The following GRM7 variants were observed in gnomAD, a reference collection of about 807,000 sequenced individuals.
GRM7 encodes the protein glutamate metabotropic receptor 7.
Under a neutral mutation model 84.5 loss-of-function variants are expected in GRM7, and 35 were observed. That is an observed-to-expected ratio of 0.41 (90% CI 0.32 to 0.55). The LOEUF is 0.55. GRM7 is among the 20% of genes least tolerant of loss of function. The probability of loss-of-function intolerance (pLI) is 0.19; values close to 1 mark genes in which losing one functional copy is unlikely to be tolerated. For synonymous variants in GRM7, 487 were observed against 455.1 expected (o/e 1.07, Z -0.89); for missense variants, 1,003 against 1,194.6 (o/e 0.84, Z 2.36).
At chr3:7,668,278 T>C (rs2125129988) in intron 8 of GRM7, among the ~76,000 whole-genome samples, 1 of 152,334 alleles carries the variant, frequency 6.6e-6, no homozygotes, top group Middle Eastern at 3.4e-3. Context: ...ATGCCAGGCA[T>C]GGAGCCAAAG....
intron 1 of GRM7, among the ~76,000 whole-genome samples, chr3:7,102,508 G>A (rs1699146969): frequency 6.6e-6 from 1 of 151,634 alleles, no homozygotes; most frequent in African/African-American, 2.4e-5. Flanking sequence ...TCATACCTAT[G>A]GTATGATGTG....
At chr3:7,000,867 T>C (rs184011524) in intron 1 of GRM7, among the ~76,000 whole-genome samples, 2 of 152,272 alleles carry the variant, frequency 1.3e-5, no homozygotes, top group East Asian at 1.9e-4. Flanking sequence ...AGTCAGAGGA[T>C]AGAGCCAGAC....
At chr3:7,380,385 T>C (rs953798409) in intron 4 of GRM7, among the ~76,000 whole-genome samples, 17 of 152,232 alleles carry the variant, frequency 1.1e-4, no homozygotes, top group African/African-American at 4.1e-4. Context: ...TGCTTTCTGT[T>C]CATAAGATAT....
At chr3:7,416,041 A>C (rs953841829) in intron 5 of GRM7, among the ~76,000 whole-genome samples, 9 of 152,152 alleles carry the variant, frequency 5.9e-5, no homozygotes, top group Admixed American at 1.3e-4. Context: ...GAAGGAAAAT[A>C]GGTTGGAGAA....
intron 1 of GRM7, among the ~76,000 whole-genome samples, chr3:7,037,306 A>T (rs2124935641): frequency 6.6e-6 from 1 of 152,300 alleles, no homozygotes; most frequent in South Asian, 2.1e-4. Context: ...TACTTTTAAT[A>T]CACTTAATAC....
At chr3:7,570,006 G>A (rs1694560444) in intron 7 of GRM7, among the ~76,000 whole-genome samples, 1 of 152,160 alleles carries the variant, frequency 6.6e-6, no homozygotes, top group Non-Finnish European at 1.5e-5. Context: ...TTGTGCAGGG[G>A]AAGTTCCATT....
intron 2 of GRM7, among the ~76,000 whole-genome samples, chr3:7,297,832 T>C (rs1699864473): frequency 6.6e-6 from 1 of 152,208 alleles, no homozygotes; most frequent in Non-Finnish European, 1.5e-5. Flanking sequence ...TTTTCATCGA[T>C]GCTGGCTTTT....
At chr3:7,623,181 C>T (rs1697439869) in intron 8 of GRM7, among the ~76,000 whole-genome samples, 2 of 152,028 alleles carry the variant, frequency 1.3e-5, no homozygotes, top group Non-Finnish European at 2.9e-5. Context: ...GGATGATGTG[C>T]ATCCATGGAA....
intron 4 of GRM7, among the ~76,000 whole-genome samples, chr3:7,316,794 A>G (rs902852541): frequency 1.3e-5 from 2 of 152,178 alleles, no homozygotes; most frequent in Non-Finnish European, 2.9e-5. Flanking sequence ...AACCGGATAC[A>G]TAAGCCTGGA....
chr3:7,216,917 T>C lies in GRM7; in HGVS notation c.736+70249T>C, dbSNP rs80218765. On this transcript the variant is annotated intron_variant, in intron 2 of 9. Transcript: ENST00000357716. ...TGTAAATGCAGACATCCATCTTTAA[T>C]GTGATGGTATTCAGGCATTCCTGTA... 1.2e-3 allele frequency among the ~76,000 whole-genome samples: 183 copies of C among 152,326 alleles called. 1 individual carries two copies. Among genetic ancestry groups the C allele is most frequent in the African/African-American group, 4.3e-3 (178 of 41,578 alleles).
intron 1 of GRM7, among the ~76,000 whole-genome samples, chr3:6,942,011 T>C (rs1005958656): frequency 3.3e-5 from 5 of 152,216 alleles, no homozygotes; most frequent in African/African-American, 9.6e-5. Flanking sequence ...TTGTTCAACA[T>C]GCAAAACTTT....
intron 7 of GRM7, among the ~76,000 whole-genome samples, chr3:7,563,219 T>C (rs1694104681): frequency 1.3e-5 from 2 of 152,140 alleles, no homozygotes; most frequent in Admixed American, 6.6e-5. Flanking sequence ...TTGTTCTTTT[T>C]TGTACAGTTT....
intron 7 of GRM7, among the ~76,000 whole-genome samples, chr3:7,556,641 A>G (rs963670853): frequency 2.6e-5 from 4 of 152,186 alleles, no homozygotes; most frequent in Non-Finnish European, 5.9e-5. Context: ...CCCTGCCCTC[A>G]CTGAACGTGG....
At chr3:7,504,123 T>A (rs942800595) in intron 7 of GRM7, among the ~76,000 whole-genome samples, 1 of 152,222 alleles carries the variant, frequency 6.6e-6, no homozygotes, top group African/African-American at 2.4e-5. Context: ...TAAAAAATTT[T>A]GTGGTATAAT....
intron 7 of GRM7, among the ~76,000 whole-genome samples, chr3:7,573,199 C>G (rs1694794260): frequency 6.6e-6 from 1 of 151,098 alleles, no homozygotes; most frequent in Non-Finnish European, 1.5e-5. Flanking sequence ...CCTAAAAAGC[C>G]TTTTTTTTCT....
intron 8 of GRM7, among the ~76,000 whole-genome samples, chr3:7,613,966 T>A (rs1451500514): frequency 2.0e-5 from 3 of 152,130 alleles, no homozygotes; most frequent in East Asian, 3.9e-4. Flanking sequence ...TTGGATTTTT[T>A]AAAAATAAAA....
At chr3:7,560,783 G>A (rs1575494189) in intron 7 of GRM7, among the ~76,000 whole-genome samples, 1 of 151,940 alleles carries the variant, frequency 6.6e-6, no homozygotes, top group East Asian at 1.9e-4. Flanking sequence ...ATCTTCTATT[G>A]GAATGGTTGC....
intron 7 of GRM7, among the ~76,000 whole-genome samples, chr3:7,575,087 A>G (rs1174256052): frequency 2.6e-5 from 4 of 152,136 alleles, no homozygotes; most frequent in Admixed American, 2.6e-4. Context: ...TCCCTAAACT[A>G]CTGATCCATT....
At chr3:7,152,300 A>C (rs1694310618) in intron 2 of GRM7, among the ~76,000 whole-genome samples, 1 of 152,142 alleles carries the variant, frequency 6.6e-6, no homozygotes, top group Non-Finnish European at 1.5e-5. Flanking sequence ...ATCATTATCC[A>C]TTCTTCCAGA....
Sources: allele counts gnomAD v4.1 joint callset (sites outside exome capture counted in the v4.1 genomes callset), GRCh38; gene constraint gnomAD v4.1.1; transcripts MANE v1.5; gene names NCBI Gene and HGNC (gene_info 2026-07-23, HGNC 2026-07-21).